CBX3: variants seen among roughly 807,000 people sequenced by gnomAD.
The protein encoded by CBX3 is chromobox protein homolog 3.
In CBX3, 5 loss-of-function variants were observed where a neutral mutation model predicts 22.6. The ratio of observed to expected loss-of-function variants is 0.22; its 90% CI spans 0.12 to 0.47. The LOEUF is 0.47. Among genes scored for constraint, CBX3 ranks in the 20% least tolerant of loss-of-function variants. The pLI, the probability that CBX3 is intolerant of heterozygous loss-of-function variation, is 0.99. For synonymous variants in CBX3, 50 were observed against 66.6 expected (o/e 0.75, Z 1.21); for missense variants, 83 against 208.1 (o/e 0.40, Z 3.70).
chr7:26,212,058 G>C (rs1362026109), intron 5 of CBX3, 24 bp from the exon 6 acceptor site: 1 of 1,463,230 alleles, frequency 6.8e-7, no homozygotes, highest in African/African-American at 1.5e-5. Context: ...ACTTGTAACT[G>C]AATTTTTCTT....
chr7:26,212,100 A>G lies in CBX3; in HGVS notation c.444A>G (p.Ala148=). 2 of 1,583,202 alleles carry G rather than the reference A, an allele frequency of 1.3e-6. No individual in the cohort carries two copies. Residue 148 remains alanine (A), a synonymous_variant, in exon 6 of 6, where the codon GCA becomes GCG. Transcript: ENST00000396386. ...AAAACAGGAAAGATTCAGATGAGGCAGACTTGGTGCTGGCGAAAGAGGCAA... is the reference window on the plus strand; with the variant it reads ...AAAACAGGAAAGATTCAGATGAGGCGGACTTGGTGCTGGCGAAAGAGGCAA... ...FLMKWKDSDE[A]DLVLAKEANM...
chr7:26,203,544 G>T (rs1363126258), intron 2 of CBX3, among the ~76,000 whole-genome samples: 1 of 151,978 alleles, frequency 6.6e-6, no homozygotes, highest in Non-Finnish European at 1.5e-5. Flanking sequence ...TCATTGCAGT[G>T]TTTTGTTTTT....
chr7:26,203,964 G>A (rs909438352), intron 2 of CBX3, among the ~76,000 whole-genome samples: 2 of 152,164 alleles, frequency 1.3e-5, no homozygotes, highest in African/African-American at 2.4e-5. Flanking sequence ...TTTGGGGTCT[G>A]TTATTGTATT....
intron 2 of CBX3, among the ~76,000 whole-genome samples, chr7:26,204,955 A>G (rs1033822013): frequency 1.3e-5 from 2 of 151,904 alleles, no homozygotes; most frequent in Non-Finnish European, 2.9e-5. Flanking sequence ...ATGCCTGGCT[A>G]ATTTTGTATT....
Position 26,208,574 on chromosome 7 carries a change from C to A in CBX3, c.330+19C>A. On this transcript the variant is annotated intron_variant, in intron 4 of 5. Transcript: ENST00000396386. The stretch of plus-strand genomic sequence containing the variant: ...AGATGCTGTAAGTATAAAATATTGC[C>A]CACCAGCTTGTCCTTTTGTAAAAGG... 6.4e-7 allele frequency: 1 copy of A among 1,555,608 alleles called. No individual in the cohort carries two copies. Among genetic ancestry groups the A allele is most frequent in the Non-Finnish European group, 8.7e-7 (1 of 1,144,746 alleles).
chr7:26,206,829 CCA>C (rs1297056421), intron 3 of CBX3, among the ~76,000 whole-genome samples: 1 of 152,124 alleles, frequency 6.6e-6, no homozygotes, highest in Non-Finnish European at 1.5e-5. Context: ...TTATTTTCCT[CCA>C]CACAGAGGGT....
At chr7:26,202,828 T>TAGG (rs978964423) in intron 1 of CBX3, 143 bp from the exon 2 acceptor site, 2 of 680,114 alleles carry the variant, frequency 2.9e-6, no homozygotes, top group Non-Finnish European at 5.3e-6. Context: ...GCAATGTAGG[T>TAGG]AGGAGCGCAG....
intron 1 of CBX3, 195 bp from the exon 2 acceptor site, chr7:26,202,776 C>T (rs2288561): frequency 1.8e-6 from 1 of 550,084 alleles, no homozygotes; most frequent in Non-Finnish European, 3.2e-6. Flanking sequence ...TAAAGTCTTT[C>T]TAGACTCACA....
At chr7:26,212,001 C>T (rs1784810621) in intron 5 of CBX3, 81 bp from the exon 6 acceptor site, 8 of 1,260,286 alleles carry the variant, frequency 6.3e-6, no homozygotes, top group South Asian at 1.9e-5. Flanking sequence ...TTTGTTTGGA[C>T]TATTATTTCT....
At chr7:26,207,861 T>C (rs1784714913) in intron 3 of CBX3, among the ~76,000 whole-genome samples, 2 of 151,820 alleles carry the variant, frequency 1.3e-5, no homozygotes, top group Admixed American at 1.3e-4. Context: ...CAGAGACTTT[T>C]ATTGTCCTCT....
chr7:26,201,617 CG>C (rs1281560114), upstream of CBX3: 1 of 148,716 alleles, frequency 6.7e-6, no homozygotes, highest in Non-Finnish European at 1.5e-5. Flanking sequence ...CAATTCCCAG[CG>C]GGCGCGGCGC....
In CBX3 at chr7:26,212,270, T is replaced by G; in HGVS notation, c.*62T>G. The G allele has an allele frequency of 1.0e-6, 1 of 1,000,326 alleles. No homozygotes were observed. The allele number at this position is 1,000,326 out of a possible 1,614,324, so 62.0% of individuals were successfully genotyped here. ...TATATAAAAATTGGGTCTTAGATTT[T>G]GATTTACTAGTGTGACAAAATAACT... On this transcript the variant is annotated 3_prime_UTR_variant, in exon 6 of 6. Transcript: ENST00000396386.
At chr7:26,203,559 CAA>C (rs1192545079) in intron 2 of CBX3, among the ~76,000 whole-genome samples, 1 of 151,788 alleles carries the variant, frequency 6.6e-6, no homozygotes, top group African/African-American at 2.4e-5. Context: ...GTTTTTTAAA[CAA>C]AATGATCGAA....
chr7:26,203,753 T>C (rs1231325829), intron 2 of CBX3, among the ~76,000 whole-genome samples: 1 of 152,222 alleles, frequency 6.6e-6, no homozygotes, highest in Non-Finnish European at 1.5e-5. Flanking sequence ...TGAATGTTAA[T>C]GTCTCCTAGG....
chr7:26,203,505 C>G (rs1011675145), intron 2 of CBX3, among the ~76,000 whole-genome samples: 4 of 152,172 alleles, frequency 2.6e-5, no homozygotes, highest in Admixed American at 2.0e-4. Context: ...TTAACTTACT[C>G]TAAAACATAG....
At chr7:26,203,941 G>A (rs546654277) in intron 2 of CBX3, among the ~76,000 whole-genome samples, 4 of 152,272 alleles carry the variant, frequency 2.6e-5, no homozygotes, top group African/African-American at 4.8e-5. Context: ...GTTTTTGCAC[G>A]CAATTGATAG....
rs1784838500 is a variant in CBX3 at position 26,212,783 on chromosome 7, A to C, written c.*575A>C. On this transcript the variant is annotated 3_prime_UTR_variant, in exon 6 of 6. Transcript: ENST00000396386. ...TGAAACCATACATTTCAAGTGAAATAAGTAATTCTAGATAGGACAATTTAA... is the reference window on the plus strand; with the variant it reads ...TGAAACCATACATTTCAAGTGAAATCAGTAATTCTAGATAGGACAATTTAA... The C allele has an allele frequency of 6.6e-6, 1 of 152,292 alleles. No individual in the cohort carries two copies. Among genetic ancestry groups the C allele is most frequent in the Admixed American group, 6.5e-5 (1 of 15,290 alleles). 9.4% of individuals were successfully genotyped at this position (152,292 alleles called of 1,614,324 possible). A position where few individuals can be genotyped will look rare whatever the true frequency, so the allele number is the denominator to read the frequency against.
chr7:26,212,594 G>T lies in CBX3; in HGVS notation c.*386G>T, dbSNP rs201093455. 0.17 allele frequency: 24,078 copies of T among 140,104 alleles called. No homozygotes were observed. Among genetic ancestry groups the T allele is most frequent in the East Asian group, 0.43 (2,151 of 4,978 alleles). 8.7% of individuals were successfully genotyped at this position (140,104 alleles called of 1,614,324 possible). On this transcript the variant is annotated 3_prime_UTR_variant, in exon 6 of 6. Coordinates refer to ENST00000396386, the MANE Select transcript of CBX3 (RefSeq NM_016587.4). ...TATTACGTGTTTTTTGTGTGTGTGT[G>T]TGTGTGTGTGTGTGTGTGTATCCAT...
upstream of CBX3, chr7:26,201,719 C>A (rs1026263804): frequency 6.4e-6 from 1 of 155,434 alleles, no homozygotes; most frequent in African/African-American, 2.4e-5. Flanking sequence ...CCGGCGGCCC[C>A]GCGCGCAGCT....
Sources: gnomAD v4.1 joint callset for allele counts (sites outside exome capture counted in the v4.1 genomes callset) on GRCh38, gnomAD v4.1.1 for gene constraint, MANE v1.5 for transcripts, NCBI Gene and HGNC (gene_info 2026-07-23, HGNC 2026-07-21) for gene names.